Variants in ZSCAN5A observed in about 807,000 individuals in gnomAD.
The protein encoded by ZSCAN5A is zinc finger and SCAN domain containing 5A, also known as zinc finger and SCAN domain-containing protein 5A.
A neutral mutation model predicts 23.7 loss-of-function variants in ZSCAN5A; 12 were observed. That is an observed-to-expected ratio of 0.51 (90% CI 0.32 to 0.82). The LOEUF (loss-of-function observed/expected upper bound fraction) is 0.82, where lower values mean the gene tolerates loss of function less well. Among genes scored for constraint, ZSCAN5A ranks in the 40% least tolerant of loss-of-function variants. The probability of loss-of-function intolerance (pLI) is 0.03; values close to 1 mark genes in which losing one functional copy is unlikely to be tolerated. For missense variants in ZSCAN5A, 597 were observed against 617.9 expected, an observed-to-expected ratio of 0.97 and a Z score of 0.36; for synonymous variants, 257 against 239.9, an observed-to-expected ratio of 1.07 and a Z score of -0.66.
chr19:56,232,775 C>T (rs1419138712), intron 2 of ZSCAN5A, among the ~76,000 whole-genome samples: 5 of 152,132 alleles, frequency 3.3e-5, no homozygotes, highest in African/African-American at 1.2e-4. Context: ...ACCTCTCAGG[C>T]TCAAGCAATC....
chr19:56,285,070 C>T (rs1182266772), intron 2 of ZSCAN5A: 10 of 961,404 alleles, frequency 1.0e-5, no homozygotes, highest in African/African-American at 8.8e-5. Flanking sequence ...TTCTCTTGTC[C>T]GCAAGGTAAT....
chr19:56,259,571 T>C (rs920830772), intron 2 of ZSCAN5A, among the ~76,000 whole-genome samples: 4 of 152,234 alleles, frequency 2.6e-5, no homozygotes, highest in African/African-American at 9.7e-5. Context: ...GCGTGTGTAC[T>C]AAAAATTTTA....
intron 2 of ZSCAN5A, chr19:56,300,069 G>C (rs555799002): frequency 6.6e-6 from 1 of 152,308 alleles, no homozygotes; most frequent in South Asian, 2.1e-4. Context: ...GTATATCTGA[G>C]AGGCTTGGGA....
chr19:56,276,818 T>C (rs1012644190), intron 2 of ZSCAN5A, among the ~76,000 whole-genome samples: 2 of 152,260 alleles, frequency 1.3e-5, no homozygotes, highest in East Asian at 3.9e-4. Flanking sequence ...ATTACAGGTG[T>C]GAGCCACTGT....
intron 2 of ZSCAN5A, among the ~76,000 whole-genome samples, chr19:56,242,451 G>A (rs986566770): frequency 1.3e-5 from 2 of 152,174 alleles, no homozygotes; most frequent in African/African-American, 2.4e-5. Flanking sequence ...TGTGTGGTGT[G>A]TAAATATTGT....
chr19:56,326,358 T>G (rs559665629), intron 2 of ZSCAN5A, among the ~76,000 whole-genome samples: 6 of 151,188 alleles, frequency 4.0e-5, no homozygotes, highest in Non-Finnish European at 7.4e-5. Context: ...TTGAGATAAC[T>G]CTTGAAAAAT....
rs2033154498 is a variant in ZSCAN5A at position 56,221,532 on chromosome 19, T to C, written c.*43A>G. 2.0e-6 allele frequency: 3 copies of C among 1,527,952 alleles called. No individual in the cohort carries two copies. The East Asian group carries it at 6.8e-5, about 35-fold the overall frequency. 94.6% of individuals were successfully genotyped at this position (1,527,952 alleles called of 1,614,324 possible). A position where few individuals can be genotyped will look rare whatever the true frequency, so the allele number is the denominator to read the frequency against. On this transcript the variant is annotated 3_prime_UTR_variant, in exon 6 of 6. Transcript: ENST00000683990. The stretch of plus-strand genomic sequence containing the variant: ...CTGATAACATTGATGAAAAATATCA[T>C]TCACTTCTTCTTGGTGCAGAAGGCA...
chr19:56,274,067 T>C (rs936720638), intron 2 of ZSCAN5A, among the ~76,000 whole-genome samples: 3 of 152,158 alleles, frequency 2.0e-5, no homozygotes, highest in Non-Finnish European at 4.4e-5. Context: ...CAGATGCTGG[T>C]GGTTGGGGAT....
At chr19:56,226,504 C>A (rs1164859616) in intron 2 of ZSCAN5A, among the ~76,000 whole-genome samples, 1 of 152,132 alleles carries the variant, frequency 6.6e-6, no homozygotes, top group African/African-American at 2.4e-5. Flanking sequence ...ACATGCAAAT[C>A]CAAACCACAA....
chr19:56,248,266 T>C (rs1434433414), intron 2 of ZSCAN5A, among the ~76,000 whole-genome samples: 1 of 151,994 alleles, frequency 6.6e-6, no homozygotes, highest in East Asian at 1.9e-4. Flanking sequence ...TTTCTTCTCT[T>C]TTCTTTTCTT....
intron 2 of ZSCAN5A, among the ~76,000 whole-genome samples, chr19:56,262,590 C>T (rs577818294): frequency 2.6e-5 from 4 of 151,742 alleles, no homozygotes; most frequent in South Asian, 2.1e-4. Context: ...CCACCATGCC[C>T]GGCTAATTTT....
At chr19:56,304,632 G>C (rs1045398087) in intron 2 of ZSCAN5A, 6 of 210,890 alleles carry the variant, frequency 2.8e-5, no homozygotes, top group Non-Finnish European at 4.1e-5. Context: ...GCTGAATAGA[G>C]AAGCAAGACC....
chr19:56,275,404 T>C (rs544426855), intron 2 of ZSCAN5A, among the ~76,000 whole-genome samples: 7 of 152,334 alleles, frequency 4.6e-5, no homozygotes, highest in African/African-American at 1.4e-4. Flanking sequence ...ATTCAAGTAC[T>C]GTATTTATTT....
chr19:56,354,275 C>A (rs944546445), intron 2 of ZSCAN5A, among the ~76,000 whole-genome samples: 2 of 152,044 alleles, frequency 1.3e-5, no homozygotes, highest in Admixed American at 6.6e-5. Context: ...AATGGTTAAG[C>A]CAGTCAATTG....
chr19:56,342,194 T>G (rs2041597913), intron 2 of ZSCAN5A, among the ~76,000 whole-genome samples: 1 of 152,114 alleles, frequency 6.6e-6, no homozygotes, highest in Non-Finnish European at 1.5e-5. Flanking sequence ...GCTTGGATTT[T>G]CTGGTTTGTT....
intron 2 of ZSCAN5A, among the ~76,000 whole-genome samples, chr19:56,357,906 C>T (rs535382417): frequency 1.3e-5 from 2 of 148,216 alleles, no homozygotes; most frequent in South Asian, 2.2e-4. Context: ...TCAAAGTAAA[C>T]GGATGGAGGA....
At position 56,248,072 on chromosome 19, in the gene ZSCAN5A, C is replaced by T. The variant is rs138541671; in HGVS notation, c.-127-22899G>A. ...AGCCTTCTGATTGACATGCTATTAC[C>T]CACTGTTTTGCTGTAAATTAAAGTT... is the stretch of plus-strand genomic sequence containing the variant. On this transcript the variant is annotated intron_variant, in intron 2 of 5. Coordinates refer to ENST00000683990, the MANE Select transcript of ZSCAN5A (RefSeq NM_001322064.3). 5.1e-4 allele frequency among the ~76,000 whole-genome samples: 77 copies of T among 152,226 alleles called. No homozygotes were observed. The East Asian group carries it at 0.013, about 26-fold the overall frequency.
intron 2 of ZSCAN5A, chr19:56,282,605 C>T: frequency 1.6e-6 from 1 of 636,822 alleles, no homozygotes; most frequent in Non-Finnish European, 2.0e-6. Flanking sequence ...GGTCTGTTCA[C>T]AGCTTAGCTT....
intron 2 of ZSCAN5A, among the ~76,000 whole-genome samples, chr19:56,303,856 C>A (rs2040504918): frequency 6.6e-6 from 1 of 152,132 alleles, no homozygotes. Context: ...AAGGATCTTG[C>A]CTTCAGAGCA....
Sources: gnomAD v4.1 joint callset for allele counts (sites outside exome capture counted in the v4.1 genomes callset) on GRCh38, gnomAD v4.1.1 for gene constraint, MANE v1.5 for transcripts, NCBI Gene and HGNC (gene_info 2026-07-23, HGNC 2026-07-21) for gene names.